Variants in RANBP10 observed in about 807,000 individuals in gnomAD.
RANBP10 encodes ran-binding protein 10.
RANBP10 carries 24 observed loss-of-function variants against 72.8 expected under a neutral mutation model. That is an observed-to-expected ratio of 0.33 (90% CI 0.24 to 0.46). RANBP10 has a LOEUF of 0.46. RANBP10 is among the 20% of genes least tolerant of loss of function. The probability of loss-of-function intolerance (pLI) is 1.00; values close to 1 mark genes in which losing one functional copy is unlikely to be tolerated. For missense variants in RANBP10, 679 were observed against 817.5 expected (o/e 0.83, Z 2.07); for synonymous variants, 310 against 322.3 (o/e 0.96, Z 0.41).
intron 3 of RANBP10, among the ~76,000 whole-genome samples, chr16:67,752,359 A>G (rs1020681158): frequency 2.6e-5 from 4 of 152,202 alleles, no homozygotes; most frequent in Admixed American, 2.6e-4. Flanking sequence ...TGAGTCAAGG[A>G]ACACAGGAGG....
chr16:67,743,206 T>C (rs2054002502), intron 4 of RANBP10, among the ~76,000 whole-genome samples: 1 of 152,232 alleles, frequency 6.6e-6, no homozygotes, highest in African/African-American at 2.4e-5. Flanking sequence ...ACCTTTTTAC[T>C]GACCCTCAAG....
chr16:67,739,399 G>A (rs1245993175), intron 4 of RANBP10, among the ~76,000 whole-genome samples: 1 of 152,172 alleles, frequency 6.6e-6, no homozygotes, highest in Non-Finnish European at 1.5e-5. Context: ...CAAAGGTGGT[G>A]GGGCTGGATT....
Position 67,729,327 on chromosome 16 carries a change from G to T in RANBP10, c.1305C>A (p.Asp435Glu). 1 of 1,612,398 alleles carries T rather than the reference G, an allele frequency of 6.2e-7. No individual in the cohort carries two copies. The highest frequency in any genetic ancestry group is 8.5e-7 in the Non-Finnish European group (1 of 1,179,268). Reference sequence around the variant, plus strand: ...TGCTGTGGTGCTGGGACTTGGTGGAGTCTGTTGAGTTGGACTCGGAGTAAT... The same window carrying T: ...TGCTGTGGTGCTGGGACTTGGTGGATTCTGTTGAGTTGGACTCGGAGTAAT... ...SVNYSESNST[D>E]STKSQHHSST... Residue 435 changes from aspartate (D) to glutamate (E), a missense_variant, in exon 10 of 14, where the codon GAC (aspartate) becomes GAA (glutamate). Transcript: ENST00000317506. This position sits in a 1 kb window ranked among gnomAD's most constrained non-coding sequence, Gnocchi z 7.1.
At chr16:67,757,744 C>T (rs761162587) in intron 3 of RANBP10, among the ~76,000 whole-genome samples, 4 of 152,168 alleles carry the variant, frequency 2.6e-5, no homozygotes, top group South Asian at 2.1e-4. Flanking sequence ...TCAGAGAACA[C>T]CGCTGTCACA....
intron 2 of RANBP10, among the ~76,000 whole-genome samples, chr16:67,787,443 T>C (rs2054936497): frequency 6.6e-6 from 1 of 152,112 alleles, no homozygotes; most frequent in South Asian, 2.1e-4. Context: ...GGATGTAAAA[T>C]GGTGCAGCCA....
intron 3 of RANBP10, among the ~76,000 whole-genome samples, chr16:67,747,843 C>T (rs368250773): frequency 3.0e-5 from 4 of 131,400 alleles, no homozygotes; most frequent in African/African-American, 5.8e-5. Context: ...TTTTTTAAGA[C>T]GGAGTCTCAC....
chr16:67,804,942 T>G (rs1476479729), intron 2 of RANBP10, among the ~76,000 whole-genome samples: 1 of 152,202 alleles, frequency 6.6e-6, no homozygotes, highest in East Asian at 1.9e-4. Context: ...TCTGATCATG[T>G]GTATGCTGTT....
At chr16:67,758,661 A>G (rs943105296) in intron 3 of RANBP10, among the ~76,000 whole-genome samples, 1 of 152,218 alleles carries the variant, frequency 6.6e-6, no homozygotes, top group Non-Finnish European at 1.5e-5. Context: ...GTTTTCAGAC[A>G]CTGACAAACT....
intron 3 of RANBP10, among the ~76,000 whole-genome samples, chr16:67,745,031 C>A (rs1419884086): frequency 6.6e-6 from 1 of 152,024 alleles, no homozygotes; most frequent in Non-Finnish European, 1.5e-5. Context: ...GGTGTTTCAC[C>A]ATGTTAGCCA....
In RANBP10 at chr16:67,782,695, C is replaced by A. The variant is rs186497567; in HGVS notation, c.348-10609G>T. ...GGTCAACTCCTGACCTCATGTAATC[C>A]GCCCAGCTCGGCTTCCCAAAGTGCT... On this transcript the variant is annotated intron_variant, in intron 2 of 13. Coordinates refer to ENST00000317506, the MANE Select transcript of RANBP10 (RefSeq NM_020850.3). 3.3e-5 allele frequency among the ~76,000 whole-genome samples: 5 copies of A among 151,786 alleles called. No homozygotes were observed. The East Asian group carries it at 9.8e-4, about 30-fold the overall frequency.
chr16:67,737,375 T>G (rs2053873187), intron 5 of RANBP10, among the ~76,000 whole-genome samples: 1 of 151,896 alleles, frequency 6.6e-6, no homozygotes. Context: ...TAACTTTTTT[T>G]GTATTTTTAG....
chr16:67,790,452 A>C (rs938353004), intron 2 of RANBP10, among the ~76,000 whole-genome samples: 3 of 151,780 alleles, frequency 2.0e-5, no homozygotes, highest in Admixed American at 1.3e-4. Context: ...ATAAAATGGC[A>C]TATTTTATGT....
At chr16:67,742,813 C>G (rs76351345) in intron 4 of RANBP10, among the ~76,000 whole-genome samples, 6,072 of 152,274 alleles carry the variant, frequency 0.04, 167 homozygotes, top group Middle Eastern at 0.16. Flanking sequence ...GGGACTTTGA[C>G]AGCAGAACCC....
rs1330815010 is a variant in RANBP10, at chr16:67,806,482, A to G, written c.55T>C (p.Ser19Pro). The change falls in exon 1 of 14, where the codon TCC becomes CCC. Residue 19 changes from serine to proline, a missense_variant. By Grantham distance (74) the Ser-to-Pro change is moderately conservative (BLOSUM62 -1). Coordinates refer to ENST00000317506, the MANE Select transcript of RANBP10 (RefSeq NM_020850.3). Reference protein sequence around the residue: ...GAGNPQPGDSSGGGAGGGLPS... With the variant: ...GAGNPQPGDSPGGGAGGGLPS... Reference sequence around the variant, plus strand: ...AGCCCGCCCCCAGCGCCCCCGCCGGAGGAGTCCCCAGGCTGCGGGTTCCCA... The same window carrying G: ...AGCCCGCCCCCAGCGCCCCCGCCGGGGGAGTCCCCAGGCTGCGGGTTCCCA... 6.5e-7 allele frequency: 1 copy of G among 1,545,268 alleles called. No individual in the cohort carries two copies. The highest frequency in any genetic ancestry group is 2.4e-5 in the East Asian group (1 of 41,244).
chr16:67,776,234 C>T (rs889712844), intron 2 of RANBP10, among the ~76,000 whole-genome samples: 9 of 150,636 alleles, frequency 6.0e-5, no homozygotes, highest in Admixed American at 2.0e-4. Flanking sequence ...CTGAGGTCGG[C>T]GGATCACCTG....
chr16:67,742,919 T>G (rs1187300525), intron 4 of RANBP10, among the ~76,000 whole-genome samples: 1 of 152,240 alleles, frequency 6.6e-6, no homozygotes, highest in African/African-American at 2.4e-5. Context: ...CCTCACCATC[T>G]GGTCACTAGC....
chr16:67,748,500 G>A (rs532929145), intron 3 of RANBP10, among the ~76,000 whole-genome samples: 4 of 151,842 alleles, frequency 2.6e-5, no homozygotes, highest in Non-Finnish European at 2.9e-5. Context: ...CTCCAGCCTG[G>A]GCAACAAGAG....
At position 67,726,436 on chromosome 16, in the gene RANBP10, A is replaced by G; in HGVS notation, c.1855T>C (p.Leu619=). 6.2e-7 allele frequency: 1 copy of G among 1,612,718 alleles called. No homozygotes were observed. The highest frequency in any genetic ancestry group is 8.5e-7 in the Non-Finnish European group (1 of 1,179,498). ...SCSFARVDDY[L]H Reference sequence around the variant, plus strand: ...CCAGCCAGCACAGTCAGCTAGTGCAAGTAGTCATCAACTCTGGCAAAGGAG... The same window carrying G: ...CCAGCCAGCACAGTCAGCTAGTGCAGGTAGTCATCAACTCTGGCAAAGGAG... Residue 619 remains leucine, a synonymous_variant, in exon 14 of 14, where the codon TTG becomes CTG. Transcript: ENST00000317506.
At chr16:67,756,761 C>G (rs1293657563) in intron 3 of RANBP10, among the ~76,000 whole-genome samples, 1 of 152,166 alleles carries the variant, frequency 6.6e-6, no homozygotes, top group Non-Finnish European at 1.5e-5. Context: ...GAGCACTGAT[C>G]ACCAAGCCAG....
Sources: gnomAD v4.1 joint callset for allele counts (sites outside exome capture counted in the v4.1 genomes callset) on GRCh38, gnomAD v4.1.1 for gene constraint, Gnocchi (gnomAD v3.1) non-coding constraint, MANE v1.5 for transcripts, NCBI Gene and HGNC (gene_info 2026-07-23, HGNC 2026-07-21) for gene names.